TAFA1: variants seen among roughly 807,000 people sequenced by gnomAD.
The protein encoded by TAFA1 is TAFA chemokine like family member 1, also known as chemokine-like protein TAFA-1.
Under a neutral mutation model 18.5 loss-of-function variants are expected in TAFA1, and 4 were observed. The ratio of observed to expected loss-of-function variants is 0.22; its 90% CI spans 0.11 to 0.49. The LOEUF is 0.49. TAFA1 is among the 20% of genes least tolerant of loss of function. The pLI is 0.98. For synonymous variants in TAFA1, 56 were observed against 55.2 expected (o/e 1.01, Z -0.06); for missense variants, 147 against 169.0 (o/e 0.87, Z 0.72).
chr3:67,999,945 T>C (rs1258001622), upstream of TAFA1, among the ~76,000 whole-genome samples: 2 of 151,842 alleles, frequency 1.3e-5, no homozygotes, highest in Admixed American at 6.6e-5. Context: ...CCTGCCACCA[T>C]ACCCAGATAA....
At chr3:68,457,379 A>T (rs2071684846) in intron 3 of TAFA1, among the ~76,000 whole-genome samples, 1 of 152,214 alleles carries the variant, frequency 6.6e-6, no homozygotes, top group South Asian at 2.1e-4. Flanking sequence ...TATGTTATGC[A>T]TTCATGACAT....
Position 68,105,547 on chromosome 3 carries a change from AAAC to A in TAFA1, c.118+98813_118+98815del, listed in dbSNP as rs200522640. 6.6e-3 allele frequency among the ~76,000 whole-genome samples: 1,002 copies of A among 152,300 alleles called. 8 individuals carry two copies. The highest frequency in any genetic ancestry group is 0.023 in the African/African-American group (952 of 41,580). ...GACCAAATAAAGCAAAAGAGATGAA[AAAC>A]AACAACAACCATAGAAGGTATTGTG... On this transcript the variant is annotated intron_variant, in intron 2 of 4. Transcript: ENST00000478136.
At chr3:68,009,566 G>A (rs1704430085) in intron 2 of TAFA1, among the ~76,000 whole-genome samples, 1 of 152,132 alleles carries the variant, frequency 6.6e-6, no homozygotes, top group Non-Finnish European at 1.5e-5. Flanking sequence ...TTGTTGAAAT[G>A]AAGAAACTAT....
At chr3:68,235,301 G>C (rs565744133) in intron 2 of TAFA1, among the ~76,000 whole-genome samples, 1 of 152,230 alleles carries the variant, frequency 6.6e-6, no homozygotes, top group Non-Finnish European at 1.5e-5. Flanking sequence ...CCATCTTAGA[G>C]ATTATGACTA....
chr3:67,995,808 A>G, the TAFA1 span, among the ~76,000 whole-genome samples: 5 of 152,282 alleles, frequency 3.3e-5, no homozygotes, highest in Admixed American at 6.5e-5. Flanking sequence ...ACCCATACAC[A>G]TACAGACACA....
intron 2 of TAFA1, among the ~76,000 whole-genome samples, chr3:68,309,809 G>T (rs574041704): frequency 1.3e-5 from 2 of 152,260 alleles, no homozygotes; most frequent in Admixed American, 1.3e-4. Flanking sequence ...CAGAACCCAG[G>T]TTCTCTCTTG....
At chr3:68,470,166 G>C (rs1297095161) in intron 3 of TAFA1, among the ~76,000 whole-genome samples, 1 of 152,164 alleles carries the variant, frequency 6.6e-6, no homozygotes, top group African/African-American at 2.4e-5. Context: ...AAGCTCTCTT[G>C]CCTGCTGCCA....
rs142349919 is a variant in TAFA1 at position 68,341,060 on chromosome 3, A to G, written c.119-76220A>G. 2.0e-3 allele frequency among the ~76,000 whole-genome samples: 300 copies of G among 152,220 alleles called. 2 individuals carry two copies. The highest frequency in any genetic ancestry group is 0.016 in the East Asian group (85 of 5,172). ...TCCAGAATAAGAGAATAACCACCCA[A>G]TGGGTTCACCTTGCCCACTACCTAG... On this transcript the variant is annotated intron_variant, in intron 2 of 4. Transcript: ENST00000478136.
chr3:68,404,070 T>G (rs1165284518), intron 2 of TAFA1, among the ~76,000 whole-genome samples: 2 of 152,226 alleles, frequency 1.3e-5, no homozygotes, highest in African/African-American at 4.8e-5. Flanking sequence ...CTGTGTTTAC[T>G]CATTCATCCT....
intron 1 of TAFA1, 67 bp from the exon 2 acceptor site, chr3:68,006,556 TC>T (rs1704361450): frequency 1.0e-6 from 1 of 982,568 alleles, no homozygotes; most frequent in Non-Finnish European, 1.7e-6. Flanking sequence ...CCTTCCCTCA[TC>T]AGTGGGGCTG....
At chr3:68,374,896 C>G (rs1169631389) in intron 2 of TAFA1, among the ~76,000 whole-genome samples, 2 of 151,966 alleles carry the variant, frequency 1.3e-5, no homozygotes, top group African/African-American at 4.8e-5. Flanking sequence ...ACTTTCAACA[C>G]CTCTTATCTC....
At chr3:68,395,919 T>A (rs1474366726) in intron 2 of TAFA1, among the ~76,000 whole-genome samples, 1 of 151,806 alleles carries the variant, frequency 6.6e-6, no homozygotes, top group Non-Finnish European at 1.5e-5. Context: ...CAAACTTACA[T>A]GTATCCCAGA....
chr3:68,384,030 C>T (rs962216092), intron 2 of TAFA1, among the ~76,000 whole-genome samples: 1 of 151,670 alleles, frequency 6.6e-6, no homozygotes, highest in Non-Finnish European at 1.5e-5. Context: ...AATATATTTG[C>T]TTTTTCATTT....
intron 2 of TAFA1, among the ~76,000 whole-genome samples, chr3:68,189,023 G>A (rs533325241): frequency 7.0e-4 from 107 of 151,976 alleles, no homozygotes; most frequent in African/African-American, 2.4e-3. Context: ...GTACACTAAC[G>A]ATTATGTTCT....
intron 3 of TAFA1, among the ~76,000 whole-genome samples, chr3:68,434,903 A>G (rs571626873): frequency 4.2e-4 from 64 of 152,282 alleles, no homozygotes; most frequent in Non-Finnish European, 5.3e-4. Context: ...ATGCCAAATC[A>G]GAAGATTCAT....
intron 3 of TAFA1, among the ~76,000 whole-genome samples, chr3:68,522,276 A>G (rs2073039735): frequency 6.6e-6 from 1 of 152,174 alleles, no homozygotes; most frequent in Non-Finnish European, 1.5e-5. Flanking sequence ...TCTGATATAA[A>G]TCATTTCCTC....
intron 2 of TAFA1, among the ~76,000 whole-genome samples, chr3:68,102,442 C>A (rs2065158694): frequency 6.6e-6 from 1 of 152,100 alleles, no homozygotes; most frequent in Non-Finnish European, 1.5e-5. Context: ...AAGATTTTTA[C>A]CCTACCATAA....
chr3:68,230,269 C>A (rs186615955), intron 2 of TAFA1, among the ~76,000 whole-genome samples: 128 of 151,752 alleles, frequency 8.4e-4, no homozygotes, highest in African/African-American at 3.0e-3. Context: ...CCCCCTGCAA[C>A]CCCCCAATGA....
intron 3 of TAFA1, among the ~76,000 whole-genome samples, chr3:68,455,108 T>C (rs1026427931): frequency 6.6e-6 from 1 of 152,194 alleles, no homozygotes; most frequent in African/African-American, 2.4e-5. Context: ...GAAAATATTA[T>C]TAAAGTCATA....
Sources: allele counts gnomAD v4.1 joint callset (sites outside exome capture counted in the v4.1 genomes callset), GRCh38; gene constraint gnomAD v4.1.1; transcripts MANE v1.5; gene names NCBI Gene and HGNC (gene_info 2026-07-23, HGNC 2026-07-21).